The following TMEM132D variants were observed in gnomAD, a reference collection of about 807,000 sequenced individuals.
The protein encoded by TMEM132D is transmembrane protein 132D, also known as mature OL transmembrane protein.
In TMEM132D, 21 loss-of-function variants were observed where a neutral mutation model predicts 62.3. The observed-to-expected ratio is 0.34, with a 90% confidence interval of 0.24 to 0.49. The LOEUF is 0.49. Ranked by LOEUF, TMEM132D falls within the 20% of genes least tolerant of loss-of-function variation. The probability of loss-of-function intolerance (pLI) is 0.99; values close to 1 mark genes in which losing one functional copy is unlikely to be tolerated. For missense variants in TMEM132D, 1,346 were observed against 1,402.8 expected, an observed-to-expected ratio of 0.96 and a Z score of 0.65; for synonymous variants, 621 against 575.6, an observed-to-expected ratio of 1.08 and a Z score of -1.13.
intron 2 of TMEM132D, among the ~76,000 whole-genome samples, chr12:129,600,872 T>C (rs1593083529): frequency 6.6e-6 from 1 of 152,170 alleles, no homozygotes; most frequent in East Asian, 1.9e-4. Flanking sequence ...GTAAGCATAA[T>C]TATTAAGGGC....
intron 3 of TMEM132D, among the ~76,000 whole-genome samples, chr12:129,400,408 T>G (rs937569158): frequency 6.6e-6 from 1 of 152,178 alleles, no homozygotes; most frequent in Non-Finnish European, 1.5e-5. Context: ...TGTTTTGTTT[T>G]AGGCTTTTAG....
At chr12:129,110,637 G>C (rs1265389137) in intron 5 of TMEM132D, 2 of 152,400 alleles carry the variant, frequency 1.3e-5, no homozygotes, top group East Asian at 3.9e-4. Context: ...TAAGTAAGGA[G>C]AGGAGGGGCA....
At chr12:129,263,608 C>T (rs1046258621) in intron 4 of TMEM132D, among the ~76,000 whole-genome samples, 2 of 151,806 alleles carry the variant, frequency 1.3e-5, no homozygotes, top group African/African-American at 4.8e-5. Context: ...AGATCTAAAT[C>T]GCATCTTGAA....
chr12:129,698,419 T>G (rs1462431100), intron 2 of TMEM132D, among the ~76,000 whole-genome samples: 1 of 148,538 alleles, frequency 6.7e-6, no homozygotes, highest in Non-Finnish European at 1.5e-5. Flanking sequence ...TAGGCATTTC[T>G]AATACTAGGT....
intron 4 of TMEM132D, among the ~76,000 whole-genome samples, chr12:129,299,588 C>A (rs2135626080): frequency 6.6e-6 from 1 of 151,432 alleles, no homozygotes; most frequent in Non-Finnish European, 1.5e-5. Flanking sequence ...GGGAGAGCCC[C>A]ACCCCACCTC....
At chr12:129,364,140 G>A (rs1036036251) in intron 3 of TMEM132D, among the ~76,000 whole-genome samples, 6 of 152,232 alleles carry the variant, frequency 3.9e-5, no homozygotes, top group African/African-American at 1.2e-4. Flanking sequence ...GTGAAATGTA[G>A]TGGTTGAGTA....
chr12:129,155,014 C>T (rs1182709281), intron 5 of TMEM132D, among the ~76,000 whole-genome samples: 2 of 152,204 alleles, frequency 1.3e-5, no homozygotes, highest in African/African-American at 2.4e-5. Flanking sequence ...AAGAACAGAA[C>T]GTGAAGTCAG....
At chr12:129,326,040 G>A (rs74966598) in intron 4 of TMEM132D, among the ~76,000 whole-genome samples, 1 of 152,156 alleles carries the variant, frequency 6.6e-6, no homozygotes, top group African/African-American at 2.4e-5. Context: ...GGGAGGCTTC[G>A]CTCATGACAG....
At chr12:129,257,073 G>A (rs778999805) in intron 4 of TMEM132D, among the ~76,000 whole-genome samples, 2 of 152,162 alleles carry the variant, frequency 1.3e-5, no homozygotes, top group South Asian at 2.1e-4. Context: ...CATATCATGG[G>A]TGTCTGAGAA....
intron 1 of TMEM132D, among the ~76,000 whole-genome samples, chr12:129,765,622 C>T (rs1870525689): frequency 6.6e-6 from 1 of 151,692 alleles, no homozygotes; most frequent in Admixed American, 6.6e-5. Flanking sequence ...CTGTTCTGTC[C>T]ACAAGAGATT....
intron 5 of TMEM132D, among the ~76,000 whole-genome samples, chr12:129,087,057 C>A (rs1334186649): frequency 6.6e-6 from 1 of 152,114 alleles, no homozygotes; most frequent in Admixed American, 6.6e-5. Context: ...ACTAGAGTAG[C>A]CATGCTATAC....
chr12:129,800,727 A>G (rs1317885641), intron 1 of TMEM132D, among the ~76,000 whole-genome samples: 1 of 152,136 alleles, frequency 6.6e-6, no homozygotes, highest in African/African-American at 2.4e-5. Flanking sequence ...ATGGCCGAAT[A>G]GGAACAGCTC....
chr12:129,813,631 T>TATATATATA (rs36010730), intron 1 of TMEM132D, among the ~76,000 whole-genome samples: 4 of 143,930 alleles, frequency 2.8e-5, no homozygotes, highest in Non-Finnish European at 4.6e-5. Context: ...TATATATATA[T>TATATATATA]TTTCAGGACT....
chr12:129,667,991 G>A (rs550026945), intron 2 of TMEM132D, among the ~76,000 whole-genome samples: 7 of 151,610 alleles, frequency 4.6e-5, no homozygotes, highest in Admixed American at 1.3e-4. Flanking sequence ...GACCATTGTT[G>A]TCTCCTTTCG....
chr12:129,604,236 A>C lies in TMEM132D; in HGVS notation c.969-73031T>G, dbSNP rs560965514. ...ACTGCACGTGAGGCTTAAAACCCAG[A>C]TGATGGGTTGATAGGTGCAGCAACC... On this transcript the variant is annotated intron_variant, in intron 2 of 8. Transcript: ENST00000422113. Among the ~76,000 whole-genome samples, 7 of 152,266 alleles carry C rather than the reference A, an allele frequency of 4.6e-5. No homozygotes were observed. The South Asian group carries it at 8.3e-4, about 18-fold the overall frequency.
At chr12:129,388,152 T>A (rs1378344658) in intron 3 of TMEM132D, among the ~76,000 whole-genome samples, 48 of 125,360 alleles carry the variant, frequency 3.8e-4, no homozygotes, top group Non-Finnish European at 5.0e-4. Context: ...ACATGAGTCC[T>A]AATATAAACA....
At chr12:129,464,788 G>A (rs1873826105) in intron 3 of TMEM132D, among the ~76,000 whole-genome samples, 1 of 152,048 alleles carries the variant, frequency 6.6e-6, no homozygotes, top group African/African-American at 2.4e-5. Flanking sequence ...TTGTAGATAT[G>A]CGGCGTTATA....
intron 2 of TMEM132D, among the ~76,000 whole-genome samples, chr12:129,693,798 C>T (rs1204995011): frequency 6.6e-6 from 1 of 152,172 alleles, no homozygotes; most frequent in Non-Finnish European, 1.5e-5. Context: ...AAAACACACC[C>T]CTGGGTGGAG....
chr12:129,865,332 G>A (rs1438529442), intron 1 of TMEM132D, among the ~76,000 whole-genome samples: 1 of 152,168 alleles, frequency 6.6e-6, no homozygotes, highest in African/African-American at 2.4e-5. Context: ...TGTGGCTGGA[G>A]CATAGAGAGC....
Sources: allele counts gnomAD v4.1 joint callset (sites outside exome capture counted in the v4.1 genomes callset), GRCh38; gene constraint gnomAD v4.1.1; transcripts MANE v1.5; gene names NCBI Gene and HGNC (gene_info 2026-07-23, HGNC 2026-07-21).